The following GCSAML variants were observed in gnomAD, a reference collection of about 807,000 sequenced individuals.
The protein encoded by GCSAML is germinal center-associated signaling and motility-like protein.
In GCSAML, 9 loss-of-function variants were observed where a neutral mutation model predicts 13.0. The observed-to-expected ratio is 0.69, with a 90% CI of 0.42 to 1.21. The LOEUF (loss-of-function observed/expected upper bound fraction) is 1.21, where lower values mean the gene tolerates loss of function less well. GCSAML is among the 50% of genes most tolerant of loss of function. The pLI, the probability that GCSAML is intolerant of heterozygous loss-of-function variation, is 0.00. For missense variants in GCSAML, 143 were observed against 153.4 expected (o/e 0.93, Z 0.36); for synonymous variants, 37 against 52.9 (o/e 0.70, Z 1.31).
At chr1:247,518,205 C>A (rs1666283454) in intron 1 of GCSAML, among the ~76,000 whole-genome samples, 1 of 152,244 alleles carries the variant, frequency 6.6e-6, no homozygotes, top group South Asian at 2.1e-4. Flanking sequence ...AGCTGCCATT[C>A]CGCCCTGACG....
rs893900729 is a variant in GCSAML at position 247,563,509 on chromosome 1, G to A, written c.90-81G>A. 14 of 756,986 alleles carry A rather than the reference G, an allele frequency of 1.8e-5. No individual in the cohort carries two copies. In the Admixed American group the frequency reaches 3.1e-4, roughly 17 times the overall value. The allele number at this position is 756,986 out of a possible 1,614,324, so 46.9% of individuals were successfully genotyped here. On this transcript the variant is annotated intron_variant, in intron 2 of 4. Transcript: ENST00000366488. ...ATCTAACAATGGCCTTAGGTTAAGG[G>A]CAACCAAATGCTTTTTTTGAAAGGC... is the stretch of plus-strand genomic sequence containing the variant.
intron 2 of GCSAML, among the ~76,000 whole-genome samples, chr1:247,560,442 C>G (rs1413995633): frequency 6.6e-6 from 1 of 152,166 alleles, no homozygotes; most frequent in African/African-American, 2.4e-5. Flanking sequence ...TTCCACTCTG[C>G]AGCTGTGGAG....
upstream of GCSAML, chr1:247,549,108 T>G: frequency 6.2e-7 from 1 of 1,613,586 alleles, no homozygotes; most frequent in Non-Finnish European, 8.5e-7. Context: ...TCCTGCCTCA[T>G]GCATTTTCCT....
intron 2 of GCSAML, chr1:247,536,118 A>G (rs1194574944): frequency 6.6e-6 from 1 of 152,072 alleles, no homozygotes; most frequent in Non-Finnish European, 1.5e-5. Context: ...CTTAAATACC[A>G]TAAACAACAA....
At chr1:247,521,536 C>T (rs935874295) in intron 1 of GCSAML, among the ~76,000 whole-genome samples, 15 of 152,194 alleles carry the variant, frequency 9.9e-5, no homozygotes, top group South Asian at 4.1e-4. Context: ...GGCGCCACGA[C>T]GCCTGACTGG....
Position 247,520,103 on chromosome 1 carries a change from G to A in GCSAML, c.-262-6837G>A, listed in dbSNP as rs114952514. 5.1e-3 allele frequency among the ~76,000 whole-genome samples: 773 copies of A among 152,278 alleles called. 6 individuals are homozygous for A. Among genetic ancestry groups the A allele is most frequent in the African/African-American group, 0.018 (736 of 41,554 alleles). ...TTTAAAATTTACACTAAAAAAAGGT[G>A]CGCTTCTCTGATTACTGTAAAAATA... On this transcript the variant is annotated intron_variant, in intron 1 of 5. Coordinates refer to the GCSAML transcript ENST00000366489.
chr1:247,532,092 C>G lies in GCSAML; in HGVS notation c.-148+5038C>G, dbSNP rs1488567977. ...AGGCCAAAGCTAGCCCAAGGCAAAG[C>G]TGTGGATGCATAATGACAGTGTAAT... On this transcript the variant is annotated intron_variant, in intron 2 of 5. Coordinates refer to the GCSAML transcript ENST00000366489. 1.9e-6 allele frequency: 3 copies of G among 1,614,100 alleles called. No homozygotes were observed. In the East Asian group the frequency reaches 6.7e-5, roughly 36 times the overall value.
intron 1 of GCSAML, among the ~76,000 whole-genome samples, chr1:247,522,183 G>C: frequency 6.6e-6 from 1 of 151,472 alleles, no homozygotes; most frequent in African/African-American, 2.4e-5. Flanking sequence ...TCTCCGCCCG[G>C]CAGCCGCCCT....
upstream of GCSAML, among the ~76,000 whole-genome samples, chr1:247,547,900 C>T (rs1443914717): frequency 3.3e-5 from 5 of 152,146 alleles, no homozygotes; most frequent in South Asian, 2.1e-4. Context: ...TTGTCACATA[C>T]GAATTAGATA....
chr1:247,530,808 C>T (rs1666908614), intron 2 of GCSAML: 1 of 7,114 alleles, frequency 1.4e-4, no homozygotes, highest in African/African-American at 2.9e-4. Context: ...TGCCGGCCGC[C>T]TCTGGACCGC....
chr1:247,513,807 C>T (rs1050664922), intron 1 of GCSAML, among the ~76,000 whole-genome samples: 1 of 152,162 alleles, frequency 6.6e-6, no homozygotes, highest in African/African-American at 2.4e-5. Context: ...AGGCAATGCT[C>T]CACCCTCTTT....
intron 1 of GCSAML, among the ~76,000 whole-genome samples, chr1:247,513,240 T>A (rs1321136441): frequency 6.6e-6 from 1 of 152,230 alleles, no homozygotes; most frequent in African/African-American, 2.4e-5. Context: ...GCAGTCTGGC[T>A]ACAGCGGCTT....
In GCSAML at chr1:247,533,015, G is replaced by A. The variant is rs115433242; in HGVS notation, c.-148+5961G>A. 6.9e-3 allele frequency among the ~76,000 whole-genome samples: 1,043 copies of A among 152,208 alleles called. 10 individuals carry two copies. The highest frequency in any genetic ancestry group is 0.024 in the African/African-American group (984 of 41,512). ...TAAAGGGTTAGTCAGGTAGAGGGTG[G>A]TCATTCATGTGATGAACCACTGTAC... On this transcript the variant is annotated intron_variant, in intron 2 of 5. Transcript: ENST00000366489.
intron 1 of GCSAML, chr1:247,524,986 A>G (rs965570010): frequency 3.3e-5 from 5 of 152,252 alleles, no homozygotes; most frequent in African/African-American, 4.8e-5. Flanking sequence ...ATACTGAGGT[A>G]AGATTTGCAA....
At chr1:247,515,274 AT>A (rs1666173233) in intron 1 of GCSAML, among the ~76,000 whole-genome samples, 1 of 152,246 alleles carries the variant, frequency 6.6e-6, no homozygotes, top group Non-Finnish European at 1.5e-5. Context: ...AGCCTTTCAA[AT>A]CTCTGACAAA....
At chr1:247,564,165 C>T (rs1364092212) in intron 3 of GCSAML, among the ~76,000 whole-genome samples, 2 of 152,124 alleles carry the variant, frequency 1.3e-5, no homozygotes, top group African/African-American at 4.8e-5. Flanking sequence ...AACTCCTGAC[C>T]TCGTGATCCA....
At chr1:247,543,259 A>G (rs1473606499) in intron 2 of GCSAML, among the ~76,000 whole-genome samples, 1 of 152,252 alleles carries the variant, frequency 6.6e-6, no homozygotes, top group Non-Finnish European at 1.5e-5. Flanking sequence ...TTGATATATT[A>G]GTATTTATTG....
At chr1:247,565,645 A>G in intron 3 of GCSAML, 1 of 309,902 alleles carries the variant, frequency 3.2e-6, no homozygotes, top group Non-Finnish European at 5.8e-6. Flanking sequence ...TTTATTACCA[A>G]ATTTTGAAAT....
chr1:247,568,937 G>A (rs1237569308), intron 4 of GCSAML, among the ~76,000 whole-genome samples: 1 of 151,570 alleles, frequency 6.6e-6, no homozygotes, highest in African/African-American at 2.4e-5. Context: ...TCTTTGTATT[G>A]TGAATACAAA....
Sources: allele counts gnomAD v4.1 joint callset (sites outside exome capture counted in the v4.1 genomes callset), GRCh38; gene constraint gnomAD v4.1.1; transcripts MANE v1.5; gene names NCBI Gene and HGNC (gene_info 2026-07-23, HGNC 2026-07-21).